The following TMED2 variants were observed in gnomAD, a reference collection of about 807,000 sequenced individuals.
The protein encoded by TMED2 is transmembrane p24 trafficking protein 2, also known as transmembrane emp24 domain-containing protein 2.
Under a neutral mutation model 17.5 loss-of-function variants are expected in TMED2, and 3 were observed. The ratio of observed to expected loss-of-function variants is 0.17; its 90% CI spans 0.08 to 0.44. The LOEUF is 0.44. Among genes scored for constraint, TMED2 ranks in the 20% least tolerant of loss-of-function variants. TMED2 has a pLI of 0.99. For synonymous variants in TMED2, 95 were observed against 91.0 expected (o/e 1.04, Z -0.25); for missense variants, 149 against 254.8 (o/e 0.58, Z 2.83).
intron 2 of TMED2, 31 bp from the exon 3 acceptor site, chr12:123,590,311 A>C: frequency 6.5e-7 from 1 of 1,531,382 alleles, no homozygotes; most frequent in South Asian, 1.2e-5. Flanking sequence ...AGACATTGAC[A>C]AATGTGTTTT....
At chr12:123,588,239 A>C (rs1371294435) in intron 2 of TMED2, among the ~76,000 whole-genome samples, 1 of 151,498 alleles carries the variant, frequency 6.6e-6, no homozygotes, top group Non-Finnish European at 1.5e-5. Context: ...TTTTGAAGCT[A>C]GTCATTGTTT....
In TMED2 at chr12:123,586,953, T is replaced by G. The variant is rs369908145; in HGVS notation, c.373+14T>G. 6 of 1,571,606 alleles carry G rather than the reference T, an allele frequency of 3.8e-6. No individual in the cohort carries two copies. Among genetic ancestry groups the G allele is most frequent in the African/African-American group, 2.8e-5 (2 of 71,346 alleles). ...TGGAAACAGAAGGTGAGATGAACAT[T>G]CAGAAGATTTACATCACATTCCAAG... On this transcript the variant is annotated intron_variant, in intron 2 of 3. Coordinates refer to ENST00000262225, the MANE Select transcript of TMED2 (RefSeq NM_006815.4).
At chr12:123,587,638 G>A in intron 2 of TMED2, 10 of 1,278,166 alleles carry the variant, frequency 7.8e-6, no homozygotes, top group Non-Finnish European at 1.0e-5. Context: ...GATGGTATGT[G>A]GATTGCTTTT....
intron 2 of TMED2, among the ~76,000 whole-genome samples, chr12:123,589,985 GA>G (rs147336421): frequency 6.9e-4 from 98 of 142,788 alleles, no homozygotes; most frequent in Admixed American, 7.7e-4. Flanking sequence ...ATCCTGTCTT[GA>G]AAAAAAAAAA....
At chr12:123,585,331 A>G (rs1225496319) in intron 1 of TMED2, among the ~76,000 whole-genome samples, 1 of 152,190 alleles carries the variant, frequency 6.6e-6, no homozygotes, top group African/African-American at 2.4e-5. Flanking sequence ...TTTATTTTTC[A>G]TAGAAGCAAC....
intron 3 of TMED2, among the ~76,000 whole-genome samples, chr12:123,591,760 G>A (rs1321916582): frequency 1.3e-5 from 2 of 151,252 alleles, no homozygotes; most frequent in Non-Finnish European, 2.9e-5. Context: ...CCGGCCTGGC[G>A]ACAGAGCGAG....
intron 3 of TMED2, among the ~76,000 whole-genome samples, chr12:123,594,167 C>G (rs1481969798): frequency 1.3e-5 from 2 of 149,730 alleles, no homozygotes; most frequent in African/African-American, 4.9e-5. Flanking sequence ...TGGAGTCTCG[C>G]TCTGTTGCCC....
At chr12:123,595,873 G>GA (rs1438569681) in intron 3 of TMED2, among the ~76,000 whole-genome samples, 4 of 152,088 alleles carry the variant, frequency 2.6e-5, no homozygotes, top group Admixed American at 6.6e-5. Context: ...TACAAAAACA[G>GA]AAAAAATTAG....
rs1202812449 is a variant in TMED2 at position 123,587,010 on chromosome 12, T to C, written c.373+71T>C. 2.2e-6 allele frequency: 3 copies of C among 1,352,908 alleles called. No homozygotes were observed. The African/African-American group carries it at 4.4e-5, about 20-fold the overall frequency. 83.8% of individuals were successfully genotyped at this position (1,352,908 alleles called of 1,614,324 possible). On this transcript the variant is annotated intron_variant, in intron 2 of 3. Coordinates refer to ENST00000262225, the MANE Select transcript of TMED2 (RefSeq NM_006815.4). ...TTTTAGTTCTATACATTTTTACCTGTCTGAGTGGAGTACTTATTTTTTTTA... is the reference window on the plus strand; with the variant it reads ...TTTTAGTTCTATACATTTTTACCTGCCTGAGTGGAGTACTTATTTTTTTTA...
Position 123,586,754 on chromosome 12 carries a change from G to C in TMED2, c.188G>C (p.Gly63Ala). Residue 63 changes from glycine to alanine, a missense_variant, in exon 2 of 4, where the codon GGA (glycine) becomes GCA (alanine). Gly to Ala is a moderately conservative substitution (Grantham distance 60). Transcript: ENST00000262225. ...GFLDIDVEITGPDNKGIYKGD... is the reference protein window; with the variant it reads ...GFLDIDVEITAPDNKGIYKGD... ...TTTCTCTCTTGCCTCCAGATTACAG[G>C]ACCAGATAACAAAGGAATTTACAAA... 6.3e-7 allele frequency: 1 copy of C among 1,597,388 alleles called. No individual in the cohort carries two copies. Among genetic ancestry groups the C allele is most frequent in the East Asian group, 2.2e-5 (1 of 44,468 alleles).
rs1393787920 is a variant in TMED2, at chr12:123,584,683, C to G, written c.47C>G (p.Ala16Gly). 2 of 1,613,628 alleles carry G rather than the reference C, an allele frequency of 1.2e-6. No homozygotes were observed. Among genetic ancestry groups the G allele is most frequent in the Admixed American group, 1.7e-5 (1 of 60,022 alleles). Residue 16 changes from alanine (A) to glycine (G), a missense_variant, in exon 1 of 4, where the codon GCC becomes GGC. By Grantham distance (60) the Ala-to-Gly change is moderately conservative. Coordinates refer to ENST00000262225, the MANE Select transcript of TMED2 (RefSeq NM_006815.4). ...ELLVLLAALL[A>G]TVSGYFVSID... The stretch of plus-strand genomic sequence containing the variant: ...CTGGTGCTTCTGGCCGCTCTCCTGG[C>G]CACGGTCTCGGGCTATTTCGTTAGC...
Position 123,584,556 on chromosome 12 carries a change from A to G in TMED2, c.-81A>G, listed in dbSNP as rs1886296915. The G allele has an allele frequency of 4.1e-6, 6 of 1,471,984 alleles. No individual in the cohort carries two copies. Among genetic ancestry groups the G allele is most frequent in the Admixed American group, 2.2e-5 (1 of 44,892 alleles). 91.2% of individuals were successfully genotyped at this position (1,471,984 alleles called of 1,614,324 possible). A position where few individuals can be genotyped will look rare whatever the true frequency, so the allele number is the denominator to read the frequency against. On this transcript the variant is annotated 5_prime_UTR_variant, in exon 1 of 4. Transcript: ENST00000262225. ...GGAGCTTAGGCGGCGGTGGCTGAGA[A>G]GGCAGCGGGGCGGCGGCGGCGGCGG... is the stretch of plus-strand genomic sequence containing the variant.
intron 2 of TMED2, among the ~76,000 whole-genome samples, chr12:123,589,939 T>C (rs1049759933): frequency 6.0e-5 from 9 of 151,196 alleles, no homozygotes; most frequent in Admixed American, 5.3e-4. Flanking sequence ...GAGCTATAAT[T>C]GCACCACTGT....
At position 123,585,012 on chromosome 12, in the gene TMED2, C is replaced by T. The variant is rs1886313006; in HGVS notation, c.180+196C>T. 10 of 658,504 alleles carry T rather than the reference C, an allele frequency of 1.5e-5. No homozygotes were observed. The Admixed American group carries it at 1.8e-4, about 12-fold the overall frequency. The allele number at this position is 658,504 out of a possible 1,614,324, so 40.8% of individuals were successfully genotyped here. ...TAACGGCCCCTTTTCCCGCGACTTG[C>T]CTGGGTTCCGGGATCCCTTGGGGGC... On this transcript the variant is annotated intron_variant, in intron 1 of 3. Transcript: ENST00000262225.
chr12:123,592,301 G>A (rs1322622104), intron 3 of TMED2, among the ~76,000 whole-genome samples: 2 of 152,112 alleles, frequency 1.3e-5, no homozygotes, highest in Admixed American at 1.3e-4. Flanking sequence ...TCCCAGATGG[G>A]GAAACAGCCC....
At chr12:123,589,511 A>C (rs367637103) in intron 2 of TMED2, among the ~76,000 whole-genome samples, 3 of 152,168 alleles carry the variant, frequency 2.0e-5, no homozygotes, top group East Asian at 1.9e-4. Context: ...AGTGAACTTC[A>C]CATAACAACA....
intron 3 of TMED2, among the ~76,000 whole-genome samples, chr12:123,596,020 A>C (rs184629791): frequency 9.9e-5 from 15 of 152,274 alleles, no homozygotes; most frequent in Non-Finnish European, 1.8e-4. Flanking sequence ...AGCAAACAAA[A>C]AAGTCTTTGC....
At position 123,584,778 on chromosome 12, in the gene TMED2, G is replaced by C; in HGVS notation, c.142G>C (p.Glu48Gln). 1 of 1,612,826 alleles carries C rather than the reference G, an allele frequency of 6.2e-7. No homozygotes were observed. The highest frequency in any genetic ancestry group is 8.5e-7 in the Non-Finnish European group (1 of 1,179,856). ...TSGTKMGLIF[E>Q]VAEGGFLDID... ...GGGCACCAAGATGGGCCTCATCTTCGAGGTGGCGGAGGGCGGCTTCCTGGA... is the reference window on the plus strand; with the variant it reads ...GGGCACCAAGATGGGCCTCATCTTCCAGGTGGCGGAGGGCGGCTTCCTGGA... The change falls in exon 1 of 4, where the codon GAG becomes CAG. Residue 48 changes from glutamate (E) to glutamine (Q), a missense_variant. By Grantham distance (29) the Glu-to-Gln change is conservative. Coordinates refer to ENST00000262225, the MANE Select transcript of TMED2 (RefSeq NM_006815.4).
rs144534644 is a variant in TMED2, at chr12:123,594,259, C to T, written c.482-2346C>T. On this transcript the variant is annotated intron_variant, in intron 3 of 3. Transcript: ENST00000262225. ...ACGCCATTCTCCTGCCTCAGCCTCT[C>T]GAGTAGTTGGGACTACAGGTGCCTG... 1.1e-3 allele frequency among the ~76,000 whole-genome samples: 166 copies of T among 151,798 alleles called. 3 individuals carry two copies. In the East Asian group the frequency reaches 0.028, roughly 25 times the overall value.
Sources: allele counts gnomAD v4.1 joint callset (sites outside exome capture counted in the v4.1 genomes callset), GRCh38; gene constraint gnomAD v4.1.1; transcripts MANE v1.5; gene names NCBI Gene and HGNC (gene_info 2026-07-23, HGNC 2026-07-21).